Variants in TTC39B observed in about 807,000 individuals in gnomAD.
TTC39B encodes the protein tetratricopeptide repeat domain 39B.
A neutral mutation model predicts 96.6 loss-of-function variants in TTC39B; 92 were observed. The ratio of observed to expected loss-of-function variants is 0.95; its 90% CI spans 0.80 to 1.13. TTC39B has a LOEUF of 1.13. Ranked by LOEUF, TTC39B falls within the 50% of genes most tolerant of loss-of-function variation. The pLI is 0.00. For synonymous variants in TTC39B, 367 were observed against 299.4 expected, an observed-to-expected ratio of 1.23 and a Z score of -2.33; for missense variants, 955 against 809.3, an observed-to-expected ratio of 1.18 and a Z score of -2.18.
chr9:15,299,882 T>C (rs947530349), intron 1 of TTC39B, among the ~76,000 whole-genome samples: 4 of 152,122 alleles, frequency 2.6e-5, no homozygotes, highest in Admixed American at 1.3e-4. Flanking sequence ...GAAGCATATG[T>C]GTTACCCAGA....
chr9:15,175,334 C>G (rs1817875938), intron 18 of TTC39B, among the ~76,000 whole-genome samples, 199 bp from the exon 19 acceptor site: 1 of 152,022 alleles, frequency 6.6e-6, no homozygotes, highest in Admixed American at 6.6e-5. Context: ...ATCTTTTATT[C>G]CTTAATGTAA....
chr9:15,257,221 A>G (rs1460298613), intron 2 of TTC39B, among the ~76,000 whole-genome samples: 1 of 152,198 alleles, frequency 6.6e-6, no homozygotes, highest in African/African-American at 2.4e-5. Context: ...TTGGTATCTG[A>G]ATGGTAATTA....
At chr9:15,254,674 A>G (rs1037115135) in intron 2 of TTC39B, among the ~76,000 whole-genome samples, 3 of 152,146 alleles carry the variant, frequency 2.0e-5, no homozygotes, top group Non-Finnish European at 4.4e-5. Context: ...TTAAATACCA[A>G]TCACAGGCTT....
At chr9:15,285,226 G>A (rs1386490484) in intron 1 of TTC39B, among the ~76,000 whole-genome samples, 5 of 150,108 alleles carry the variant, frequency 3.3e-5, no homozygotes, top group African/African-American at 4.9e-5. Flanking sequence ...CCGAGATCAC[G>A]CCACTGCACT....
chr9:15,174,282 A>G (rs1817812379), intron 19 of TTC39B, among the ~76,000 whole-genome samples: 1 of 152,080 alleles, frequency 6.6e-6, no homozygotes, highest in South Asian at 2.1e-4. Context: ...GACACATAAT[A>G]GGTGCTCAGT....
chr9:15,302,892 G>A (rs1255986427), intron 1 of TTC39B, among the ~76,000 whole-genome samples: 4 of 151,290 alleles, frequency 2.6e-5, no homozygotes, highest in African/African-American at 4.9e-5. Context: ...ACATTTGGCC[G>A]GGCGCAGTGG....
In TTC39B at chr9:15,267,898, T is replaced by A. The variant is rs775301224; in HGVS notation, c.275+16A>T. The stretch of plus-strand genomic sequence containing the variant: ...ATTTTTCCTTACTACATACTTTTTA[T>A]TATGTTATTACTTACATTGAGATGG... On this transcript the variant is annotated intron_variant, in intron 2 of 19. Coordinates refer to ENST00000512701, the Ensembl canonical transcript of TTC39B. 1 of 1,600,780 alleles carries A rather than the reference T, an allele frequency of 6.2e-7. No individual in the cohort carries two copies. Among genetic ancestry groups the A allele is most frequent in the South Asian group, 1.1e-5 (1 of 89,962 alleles).
At chr9:15,219,810 C>T (rs1324620380) in intron 3 of TTC39B, among the ~76,000 whole-genome samples, 1 of 152,184 alleles carries the variant, frequency 6.6e-6, no homozygotes, top group Non-Finnish European at 1.5e-5. Flanking sequence ...TCTATTCTCT[C>T]AGCGATGCAG....
At chr9:15,165,526 A>G (rs1482845304) in exon 20 of TTC39B, 3 of 152,266 alleles carry the variant, frequency 2.0e-5, no homozygotes, top group Admixed American at 6.5e-5. Context: ...CACTGCTATG[A>G]AGAAATATCT....
intron 1 of TTC39B, among the ~76,000 whole-genome samples, chr9:15,280,401 C>T (rs986168469): frequency 6.6e-6 from 1 of 152,212 alleles, no homozygotes; most frequent in Non-Finnish European, 1.5e-5. Flanking sequence ...TCCTTCCCTA[C>T]CGCATTGGAT....
chr9:15,286,236 G>C (rs944288444), intron 1 of TTC39B, among the ~76,000 whole-genome samples: 17 of 152,210 alleles, frequency 1.1e-4, no homozygotes, highest in African/African-American at 4.1e-4. Context: ...AATCAGTCTA[G>C]GCTCAGCTTT....
At chr9:15,248,284 T>C (rs1024271460) in intron 2 of TTC39B, among the ~76,000 whole-genome samples, 1 of 152,186 alleles carries the variant, frequency 6.6e-6, no homozygotes, top group Non-Finnish European at 1.5e-5. Context: ...GCACTTACTA[T>C]AGCACTGACC....
At chr9:15,245,307 A>T (rs897408288) in intron 2 of TTC39B, among the ~76,000 whole-genome samples, 6 of 152,202 alleles carry the variant, frequency 3.9e-5, no homozygotes, top group Non-Finnish European at 1.5e-5. Context: ...GGCTCTCCCT[A>T]CAAATATCTA....
intron 5 of TTC39B, among the ~76,000 whole-genome samples, chr9:15,210,528 T>C (rs931657372): frequency 2.6e-5 from 4 of 152,232 alleles, no homozygotes; most frequent in African/African-American, 9.6e-5. Flanking sequence ...CTCTCTTCAT[T>C]TGAGGAGCTT....
At chr9:15,226,067 G>T (rs1260315470) in intron 2 of TTC39B, 55 bp from the exon 3 acceptor site, 47 of 1,467,568 alleles carry the variant, frequency 3.2e-5, no homozygotes, top group Non-Finnish European at 4.4e-5. Flanking sequence ...TGTGAGAAAA[G>T]TCTACACCAG....
At chr9:15,294,279 C>T (rs980002727) in intron 1 of TTC39B, among the ~76,000 whole-genome samples, 6 of 152,158 alleles carry the variant, frequency 3.9e-5, no homozygotes, top group African/African-American at 1.4e-4. Context: ...TAGAGTCCCT[C>T]CAGGGCTCAG....
At chr9:15,278,246 T>C (rs540469456) in intron 1 of TTC39B, among the ~76,000 whole-genome samples, 14 of 152,182 alleles carry the variant, frequency 9.2e-5, no homozygotes, top group Admixed American at 9.2e-4. Flanking sequence ...GAACAAATAC[T>C]TTAAGTTGCC....
intron 7 of TTC39B, among the ~76,000 whole-genome samples, chr9:15,203,591 G>C (rs1219183410): frequency 6.6e-6 from 1 of 152,042 alleles, no homozygotes; most frequent in East Asian, 1.9e-4. Flanking sequence ...AGTCTTTAAA[G>C]GGCAATGATT....
chr9:15,278,808 T>A (rs1201836850), intron 1 of TTC39B, among the ~76,000 whole-genome samples: 1 of 152,214 alleles, frequency 6.6e-6, no homozygotes, highest in Non-Finnish European at 1.5e-5. Context: ...TCATAAAAAG[T>A]GAGCATTTCA....
Sources: gnomAD v4.1 joint callset for allele counts (sites outside exome capture counted in the v4.1 genomes callset) on GRCh38, gnomAD v4.1.1 for gene constraint, MANE v1.5 for transcripts, NCBI Gene and HGNC (gene_info 2026-07-23, HGNC 2026-07-21) for gene names.